The following EDIL3 variants were observed in gnomAD, a reference collection of about 807,000 sequenced individuals.
EDIL3 encodes EGF-like repeat and discoidin I-like domain-containing protein 3.
EDIL3 carries 37 observed loss-of-function variants against 67.4 expected under a neutral mutation model. The ratio of observed to expected loss-of-function variants is 0.55; its 90% CI spans 0.42 to 0.72. The LOEUF is 0.72. Ranked by LOEUF, EDIL3 falls within the 30% of genes least tolerant of loss-of-function variation. The pLI is 0.00. For synonymous variants in EDIL3, 195 were observed against 196.3 expected (o/e 0.99, Z 0.05); for missense variants, 527 against 586.3 (o/e 0.90, Z 1.04).
chr5:84,091,032 A>C (rs1199161991), intron 6 of EDIL3, among the ~76,000 whole-genome samples: 2 of 152,092 alleles, frequency 1.3e-5, no homozygotes, highest in Non-Finnish European at 2.9e-5. Context: ...AAAATCCAAG[A>C]CTGCCCCACA....
At chr5:84,199,804 T>C (rs1743794025) in intron 3 of EDIL3, among the ~76,000 whole-genome samples, 1 of 151,994 alleles carries the variant, frequency 6.6e-6, no homozygotes, top group Non-Finnish European at 1.5e-5. Flanking sequence ...CAGGCTTCCA[T>C]GTATCACAAC....
At position 84,023,028 on chromosome 5, in the gene EDIL3, A is replaced by G. The variant is rs142703971; in HGVS notation, c.1137+37272T>C. Among the ~76,000 whole-genome samples the G allele has an allele frequency of 6.6e-3, 1,010 of 152,126 alleles. 15 individuals are homozygous for G. The highest frequency in any genetic ancestry group is 0.023 in the African/African-American group (975 of 41,558). ...GTACACCATAAATATGTAAAATACT[A>G]TGTATCAATAAATGAAAACAACTAA... On this transcript the variant is annotated intron_variant, in intron 9 of 10. Coordinates refer to ENST00000296591, the MANE Select transcript of EDIL3 (RefSeq NM_005711.5).
rs114914796 is a variant in EDIL3 at position 84,290,507 on chromosome 5, C to T, written c.68-36295G>A. Among the ~76,000 whole-genome samples the T allele has an allele frequency of 6.6e-3, 1,005 of 152,248 alleles. 6 individuals are homozygous for T. Among genetic ancestry groups the T allele is most frequent in the Non-Finnish European group, 8.5e-3 (581 of 68,022 alleles). ...GCCACCTCAAAATTAGCCACTTTGG[C>T]ATAAGGCATTTCAAAAATAGCAGGA... On this transcript the variant is annotated intron_variant, in intron 1 of 10. Coordinates refer to ENST00000296591, the MANE Select transcript of EDIL3 (RefSeq NM_005711.5).
intron 6 of EDIL3, among the ~76,000 whole-genome samples, chr5:84,070,506 G>A (rs1478836853): frequency 6.6e-6 from 1 of 152,110 alleles, no homozygotes; most frequent in Non-Finnish European, 1.5e-5. Context: ...AGGGGGACAA[G>A]GGAACTTTTC....
intron 1 of EDIL3, among the ~76,000 whole-genome samples, chr5:84,279,854 C>T (rs1745661818): frequency 1.3e-5 from 2 of 152,158 alleles, no homozygotes; most frequent in African/African-American, 4.8e-5. Context: ...CCCAGGAATT[C>T]TGTACTAAAA....
At chr5:84,304,788 C>T (rs146290702) in intron 1 of EDIL3, among the ~76,000 whole-genome samples, 2,281 of 152,194 alleles carry the variant, frequency 0.015, 61 homozygotes, top group African/African-American at 0.053. Context: ...ACAAATACAA[C>T]AATTGGATGC....
intron 4 of EDIL3, among the ~76,000 whole-genome samples, chr5:84,152,456 T>C (rs943743562): frequency 2.0e-5 from 3 of 152,128 alleles, no homozygotes; most frequent in Non-Finnish European, 2.9e-5. Context: ...AGATAAATGG[T>C]CCTATTCTGT....
At position 84,313,456 on chromosome 5, in the gene EDIL3, G is replaced by A. The variant is rs1466726494; in HGVS notation, c.68-59244C>T. Among the ~76,000 whole-genome samples the A allele has an allele frequency of 2.0e-5, 3 of 152,188 alleles. No individual in the cohort carries two copies. In the East Asian group the frequency reaches 5.8e-4, roughly 29 times the overall value. Reference sequence around the variant, plus strand: ...AGCCTGATTCTAAAGTAAAGGAAAAGAGCAAACGTGCAATAATGGAGAACA... The same window carrying A: ...AGCCTGATTCTAAAGTAAAGGAAAAAAGCAAACGTGCAATAATGGAGAACA... On this transcript the variant is annotated intron_variant, in intron 1 of 10. Coordinates refer to ENST00000296591, the MANE Select transcript of EDIL3 (RefSeq NM_005711.5).
chr5:84,371,448 TATA>T (rs1747851884), intron 1 of EDIL3, among the ~76,000 whole-genome samples: 2 of 93,234 alleles, frequency 2.1e-5, no homozygotes, highest in African/African-American at 5.0e-5. Flanking sequence ...TATATATATA[TATA>T]GAGAGAGAGA....
intron 4 of EDIL3, among the ~76,000 whole-genome samples, chr5:84,141,946 T>TATATATATAC (rs1303835679): frequency 3.8e-5 from 5 of 132,396 alleles, no homozygotes; most frequent in African/African-American, 1.5e-4. Flanking sequence ...TATATATATA[T>TATATATATAC]ACATAGATCT....
intron 4 of EDIL3, 130 bp downstream of exon 4, chr5:84,180,263 G>A (rs566374764): frequency 4.5e-5 from 45 of 993,742 alleles, no homozygotes; most frequent in Non-Finnish European, 5.8e-5. Context: ...TGGGAGAGAA[G>A]CAGCATTAGC....
chr5:84,279,743 G>A (rs1442516412), intron 1 of EDIL3, among the ~76,000 whole-genome samples: 1 of 152,074 alleles, frequency 6.6e-6, no homozygotes, highest in Non-Finnish European at 1.5e-5. Flanking sequence ...CAGAAGCTTC[G>A]ATAAGATATT....
rs111520536 is a variant in EDIL3, at chr5:84,193,594, T to C, written c.227-13073A>G. On this transcript the variant is annotated intron_variant, in intron 3 of 10. Transcript: ENST00000296591. ...GCCTACTGAAAGTTTAGAGGTAACA[T>C]AAGGAAAAGAACAAAGAATCCAGGA... is the stretch of plus-strand genomic sequence containing the variant. Among the ~76,000 whole-genome samples the C allele has an allele frequency of 4.5e-3, 684 of 151,906 alleles. 5 individuals are homozygous for C. The highest frequency in any genetic ancestry group is 0.016 in the African/African-American group (646 of 41,444).
intron 3 of EDIL3, among the ~76,000 whole-genome samples, chr5:84,212,766 C>T (rs1196693586): frequency 6.6e-6 from 1 of 152,096 alleles, no homozygotes; most frequent in East Asian, 1.9e-4. Flanking sequence ...GAGAAGACCG[C>T]CCTGCCTCCT....
intron 3 of EDIL3, among the ~76,000 whole-genome samples, chr5:84,187,138 A>G (rs757488466): frequency 7.2e-5 from 11 of 152,062 alleles, no homozygotes; most frequent in Non-Finnish European, 1.0e-4. Context: ...CTCCTAACAC[A>G]ATGGGGACAG....
intron 3 of EDIL3, among the ~76,000 whole-genome samples, chr5:84,181,413 C>G (rs1749010978): frequency 6.6e-6 from 1 of 152,168 alleles, no homozygotes; most frequent in African/African-American, 2.4e-5. Context: ...GCCAGTCGTG[C>G]CTGACCTGAG....
At chr5:84,087,880 T>A (rs1747099935) in intron 6 of EDIL3, among the ~76,000 whole-genome samples, 1 of 152,170 alleles carries the variant, frequency 6.6e-6, no homozygotes, top group Admixed American at 6.5e-5. Context: ...ATATATTGAA[T>A]GAATGAATAA....
chr5:83,988,818 A>G (rs1580267305), intron 9 of EDIL3, among the ~76,000 whole-genome samples: 2 of 152,330 alleles, frequency 1.3e-5, no homozygotes, highest in South Asian at 4.1e-4. Flanking sequence ...CCTGGAAATA[A>G]AATGATACCA....
intron 3 of EDIL3, among the ~76,000 whole-genome samples, chr5:84,203,972 T>C (rs1743904948): frequency 6.6e-6 from 1 of 152,230 alleles, no homozygotes; most frequent in South Asian, 2.1e-4. Context: ...ACTGATTCTA[T>C]TATTAGAAAA....
Sources: allele counts gnomAD v4.1 joint callset (sites outside exome capture counted in the v4.1 genomes callset), GRCh38; gene constraint gnomAD v4.1.1; transcripts MANE v1.5; gene names NCBI Gene and HGNC (gene_info 2026-07-23, HGNC 2026-07-21).